SSBP2: variants seen among roughly 807,000 people sequenced by gnomAD.
SSBP2 encodes the protein single-stranded DNA-binding protein 2.
Under a neutral mutation model 61.8 loss-of-function variants are expected in SSBP2, and 17 were observed. The observed-to-expected ratio is 0.28, with a 90% CI of 0.19 to 0.41. The LOEUF is 0.41. Ranked by LOEUF, SSBP2 falls within the 10% of genes least tolerant of loss-of-function variation. The pLI, the probability that SSBP2 is intolerant of heterozygous loss-of-function variation, is 1.00. For missense variants in SSBP2, 310 were observed against 458.7 expected, an observed-to-expected ratio of 0.68 and a Z score of 2.96; for synonymous variants, 139 against 141.3, an observed-to-expected ratio of 0.98 and a Z score of 0.12.
intron 5 of SSBP2, among the ~76,000 whole-genome samples, chr5:81,502,580 C>G (rs1207199012): frequency 6.6e-6 from 1 of 152,158 alleles, no homozygotes; most frequent in Non-Finnish European, 1.5e-5. Flanking sequence ...CATCTTGTTC[C>G]CTACTCAAAA....
intron 10 of SSBP2, among the ~76,000 whole-genome samples, chr5:81,451,231 T>G (rs1278920690): frequency 6.6e-6 from 1 of 152,174 alleles, no homozygotes; most frequent in Non-Finnish European, 1.5e-5. Context: ...TATTTCGTCT[T>G]CCTGTCATAC....
At chr5:81,688,668 G>GTCAT (rs1752996441) in intron 1 of SSBP2, among the ~76,000 whole-genome samples, 1 of 152,186 alleles carries the variant, frequency 6.6e-6, no homozygotes, top group African/African-American at 2.4e-5. Context: ...CAACAAGGCA[G>GTCAT]TACCTCTACA....
At chr5:81,654,229 T>C (rs570595563) in intron 1 of SSBP2, among the ~76,000 whole-genome samples, 1 of 152,174 alleles carries the variant, frequency 6.6e-6, no homozygotes, top group South Asian at 2.1e-4. Context: ...CTTCCCAAAG[T>C]GCTGGGATTA....
rs562309802 is a variant in SSBP2, at chr5:81,574,453, C to G, written c.282+41020G>C. Among the ~76,000 whole-genome samples the G allele has an allele frequency of 4.6e-5, 7 of 151,570 alleles. No homozygotes were observed. The East Asian group carries it at 1.4e-3, about 29-fold the overall frequency. ...GGACATGGTAAAAATATCTAGGATA[C>G]AAGTCTTTGGAATCCCAGAATAAAA... On this transcript the variant is annotated intron_variant, in intron 4 of 16. Coordinates refer to ENST00000320672, the MANE Select transcript of SSBP2 (RefSeq NM_012446.5).
At chr5:81,487,834 C>T (rs1294859056) in intron 6 of SSBP2, among the ~76,000 whole-genome samples, 2 of 150,784 alleles carry the variant, frequency 1.3e-5, no homozygotes, top group Non-Finnish European at 3.0e-5. Context: ...ACTTTCTAGC[C>T]TCTGGCAACC....
intron 2 of SSBP2, among the ~76,000 whole-genome samples, chr5:81,638,923 T>C (rs73135638): frequency 1.4e-3 from 213 of 152,358 alleles, no homozygotes; most frequent in African/African-American, 4.8e-3. Flanking sequence ...TGAGTTATCA[T>C]GTATACCAAA....
chr5:81,734,571 A>G (rs1025476254), intron 1 of SSBP2, among the ~76,000 whole-genome samples: 1 of 152,254 alleles, frequency 6.6e-6, no homozygotes, highest in African/African-American at 2.4e-5. Context: ...AGCCAGTGCA[A>G]TCATTGTCTC....
intron 15 of SSBP2, among the ~76,000 whole-genome samples, chr5:81,433,228 T>A (rs1762449393): frequency 6.6e-6 from 1 of 151,966 alleles, no homozygotes; most frequent in Non-Finnish European, 1.5e-5. Flanking sequence ...TGGAAAGAAG[T>A]AGACATGGGA....
intron 1 of SSBP2, among the ~76,000 whole-genome samples, chr5:81,687,203 G>A (rs1752879104): frequency 6.6e-6 from 1 of 152,244 alleles, no homozygotes; most frequent in South Asian, 2.1e-4. Flanking sequence ...GGAGAGCACA[G>A]TGACTGTGGG....
intron 3 of SSBP2, among the ~76,000 whole-genome samples, chr5:81,628,111 A>T (rs2153649529): frequency 6.6e-6 from 1 of 152,258 alleles, no homozygotes; most frequent in Admixed American, 6.5e-5. Context: ...TAATAAAGAC[A>T]TACCTGAGAC....
chr5:81,741,022 G>A (rs1313568574), intron 1 of SSBP2, among the ~76,000 whole-genome samples: 1 of 152,110 alleles, frequency 6.6e-6, no homozygotes, highest in Non-Finnish European at 1.5e-5. Flanking sequence ...TTTCCGCCAT[G>A]TTAAGCGATG....
intron 12 of SSBP2, among the ~76,000 whole-genome samples, chr5:81,445,477 A>C (rs1448296149): frequency 6.6e-6 from 1 of 152,014 alleles, no homozygotes; most frequent in Admixed American, 6.6e-5. Context: ...TAAATTAAAC[A>C]TTAACTTCAC....
At chr5:81,643,426 T>A (rs7723702) in intron 2 of SSBP2, among the ~76,000 whole-genome samples, 1 of 152,152 alleles carries the variant, frequency 6.6e-6, no homozygotes, top group Non-Finnish European at 1.5e-5. Flanking sequence ...ATAACCTGTA[T>A]ACCTATGTGT....
At chr5:81,740,397 T>C (rs1756936100) in intron 1 of SSBP2, among the ~76,000 whole-genome samples, 1 of 151,068 alleles carries the variant, frequency 6.6e-6, no homozygotes, top group Middle Eastern at 3.5e-3. Context: ...AATCATCAAA[T>C]AATTTCAATC....
chr5:81,428,358 T>C (rs1442253536), intron 16 of SSBP2, among the ~76,000 whole-genome samples: 2 of 152,180 alleles, frequency 1.3e-5, no homozygotes, highest in African/African-American at 4.8e-5. Context: ...AGGTTCTCAA[T>C]GAGAAAACTA....
chr5:81,448,458 G>T (rs747783984), intron 11 of SSBP2, among the ~76,000 whole-genome samples: 1 of 152,134 alleles, frequency 6.6e-6, no homozygotes, highest in Non-Finnish European at 1.5e-5. Flanking sequence ...TTGGACTGGG[G>T]TGTAGATTAT....
rs1178523234 is a variant in SSBP2 at position 81,554,564 on chromosome 5, A to T, written c.283-40847T>A. On this transcript the variant is annotated intron_variant, in intron 4 of 16. Transcript: ENST00000320672. Reference sequence around the variant, plus strand: ...TCTGAGGCTCATTCTCTATTGAATTAATTTGTTTTTAACAATGGTTACATA... The same window carrying T: ...TCTGAGGCTCATTCTCTATTGAATTTATTTGTTTTTAACAATGGTTACATA... 3.3e-5 allele frequency among the ~76,000 whole-genome samples: 5 copies of T among 151,874 alleles called. No homozygotes were observed. The South Asian group carries it at 1.0e-3, about 31-fold the overall frequency.
chr5:81,463,961 G>A (rs890323442), intron 9 of SSBP2, among the ~76,000 whole-genome samples: 3 of 151,668 alleles, frequency 2.0e-5, no homozygotes, highest in African/African-American at 4.8e-5. Context: ...TTTAGATGGG[G>A]TCTCCCTATG....
intron 4 of SSBP2, among the ~76,000 whole-genome samples, chr5:81,597,306 T>G (rs1286723195): frequency 6.6e-6 from 1 of 152,048 alleles, no homozygotes; most frequent in African/African-American, 2.4e-5. Context: ...AAAACCACAA[T>G]GAGATACCAT....
Sources: gnomAD v4.1 joint callset for allele counts (sites outside exome capture counted in the v4.1 genomes callset) on GRCh38, gnomAD v4.1.1 for gene constraint, MANE v1.5 for transcripts, NCBI Gene and HGNC (gene_info 2026-07-23, HGNC 2026-07-21) for gene names.